PTPRD: variants seen among roughly 807,000 people sequenced by gnomAD.
PTPRD encodes the protein receptor-type tyrosine-protein phosphatase delta.
In PTPRD, 34 loss-of-function variants were observed where a neutral mutation model predicts 214.5. The observed-to-expected ratio is 0.16, with a 90% confidence interval of 0.12 to 0.21. The LOEUF is 0.21. PTPRD is among the 10% of genes least tolerant of loss of function. The probability of loss-of-function intolerance (pLI) is 1.00; values close to 1 mark genes in which losing one functional copy is unlikely to be tolerated. For synonymous variants in PTPRD, 1,128 were observed against 845.7 expected (o/e 1.33, Z -5.79); for missense variants, 2,545 against 2,398.7 (o/e 1.06, Z -1.27).
At chr9:9,856,312 C>A (rs1203479435) in intron 5 of PTPRD, among the ~76,000 whole-genome samples, 1 of 152,070 alleles carries the variant, frequency 6.6e-6, no homozygotes, top group African/African-American at 2.4e-5. Flanking sequence ...TACGAAAAGG[C>A]AACATTTGAG....
intron 3 of PTPRD, among the ~76,000 whole-genome samples, chr9:10,331,014 C>T (rs2096740112): frequency 6.6e-6 from 1 of 151,740 alleles, no homozygotes; most frequent in South Asian, 2.1e-4. Flanking sequence ...CCTTGTTCTC[C>T]TCTACTTCAC....
intron 5 of PTPRD, among the ~76,000 whole-genome samples, chr9:9,786,191 T>C (rs1028425538): frequency 1.3e-5 from 2 of 152,206 alleles, no homozygotes; most frequent in African/African-American, 4.8e-5. Flanking sequence ...TGCCATTATT[T>C]GCCATGCACT....
chr9:9,388,156 G>A (rs2064540838), intron 9 of PTPRD, among the ~76,000 whole-genome samples: 1 of 152,176 alleles, frequency 6.6e-6, no homozygotes, highest in Admixed American at 6.5e-5. Context: ...CCAGCCGCTT[G>A]TGTCTTCTTC....
At chr9:8,563,415 C>G (rs915535948) in intron 14 of PTPRD, among the ~76,000 whole-genome samples, 1 of 150,138 alleles carries the variant, frequency 6.7e-6, no homozygotes, top group East Asian at 2.0e-4. Flanking sequence ...TGGTCTCCTA[C>G]TTACAAAGTT....
intron 12 of PTPRD, among the ~76,000 whole-genome samples, chr9:8,645,382 C>A (rs75179833): frequency 0.11 from 17,219 of 152,180 alleles, 1,020 homozygotes; most frequent in East Asian, 0.19. Flanking sequence ...TTATACATTC[C>A]ATTTGCTCAT....
chr9:9,677,968 A>G (rs1198821622), intron 7 of PTPRD, among the ~76,000 whole-genome samples: 1 of 152,146 alleles, frequency 6.6e-6, no homozygotes. Context: ...TCCCATTCAC[A>G]ATTGCTTCAA....
chr9:10,293,889 A>G (rs1356154356), intron 3 of PTPRD, among the ~76,000 whole-genome samples: 1 of 151,918 alleles, frequency 6.6e-6, no homozygotes, highest in African/African-American at 2.4e-5. Flanking sequence ...AACAGCAAGG[A>G]ATAAATATTG....
At chr9:9,495,288 C>T (rs2096121399) in intron 8 of PTPRD, among the ~76,000 whole-genome samples, 1 of 144,210 alleles carries the variant, frequency 6.9e-6, no homozygotes, top group Non-Finnish European at 1.5e-5. Context: ...GATGGGTACC[C>T]AGTAAAATCC....
chr9:9,554,937 T>C (rs2081155305), intron 8 of PTPRD, among the ~76,000 whole-genome samples: 1 of 152,078 alleles, frequency 6.6e-6, no homozygotes. Context: ...TGCTTATACG[T>C]CTACATATTC....
At chr9:8,779,365 G>A (rs1249078995) in intron 11 of PTPRD, among the ~76,000 whole-genome samples, 1 of 151,162 alleles carries the variant, frequency 6.6e-6, no homozygotes, top group African/African-American at 2.4e-5. Flanking sequence ...ACATCTCTCA[G>A]TTATCTGTCA....
intron 8 of PTPRD, among the ~76,000 whole-genome samples, 189 bp from the exon 9 acceptor site, chr9:9,397,671 G>C (rs1164246982): frequency 6.6e-6 from 1 of 151,956 alleles, no homozygotes; most frequent in Non-Finnish European, 1.5e-5. Context: ...CATTTAAGGA[G>C]TAAAAAAGAT....
At chr9:10,364,823 C>G (rs1019498166) in intron 2 of PTPRD, among the ~76,000 whole-genome samples, 8 of 152,144 alleles carry the variant, frequency 5.3e-5, no homozygotes, top group African/African-American at 1.7e-4. Flanking sequence ...CATACGATAT[C>G]TATATTTTCG....
intron 9 of PTPRD, among the ~76,000 whole-genome samples, chr9:9,206,225 G>C (rs1387413606): frequency 6.6e-6 from 1 of 152,166 alleles, no homozygotes. Context: ...GCTGAGGTCA[G>C]AGAAGTAATG....
chr9:10,415,537 T>C (rs1490546046), intron 2 of PTPRD, among the ~76,000 whole-genome samples: 1 of 151,916 alleles, frequency 6.6e-6, no homozygotes, highest in African/African-American at 2.4e-5. Flanking sequence ...GCAACAGCTT[T>C]TTTGTTCCTT....
intron 12 of PTPRD, among the ~76,000 whole-genome samples, chr9:8,725,888 T>A (rs1240429739): frequency 2.0e-5 from 3 of 152,136 alleles, no homozygotes; most frequent in African/African-American, 7.2e-5. Flanking sequence ...TCTGAGAAGA[T>A]TGCTTGAGAG....
chr9:10,180,853 A>G (rs1247794105), intron 3 of PTPRD, among the ~76,000 whole-genome samples: 1 of 152,072 alleles, frequency 6.6e-6, no homozygotes, highest in Non-Finnish European at 1.5e-5. Flanking sequence ...AAATGATTTT[A>G]TGAAGTTAAA....
Position 10,037,726 on chromosome 9 carries a change from G to A in PTPRD, c.-544-3936C>T, listed in dbSNP as rs186696804. Among the ~76,000 whole-genome samples the A allele has an allele frequency of 5.2e-3, 795 of 152,098 alleles. 8 individuals are homozygous for A. Among genetic ancestry groups the A allele is most frequent in the African/African-American group, 0.018 (732 of 41,494 alleles). On this transcript the variant is annotated intron_variant, in intron 3 of 45. Coordinates refer to ENST00000381196, the MANE Select transcript of PTPRD (RefSeq NM_002839.4). Reference sequence around the variant, plus strand: ...CAATCTTCGTTTTCTTGGAAAAGATGTCATTTATCTTACATGCAAAAAGAC... The same window carrying A: ...CAATCTTCGTTTTCTTGGAAAAGATATCATTTATCTTACATGCAAAAAGAC...
chr9:9,025,650 C>T (rs1314265731), intron 10 of PTPRD, among the ~76,000 whole-genome samples: 1 of 151,348 alleles, frequency 6.6e-6, no homozygotes, highest in African/African-American at 2.4e-5. Context: ...TCATGTAACA[C>T]TCACAATAAT....
intron 12 of PTPRD, among the ~76,000 whole-genome samples, chr9:8,714,682 C>T (rs571676782): frequency 1.3e-5 from 2 of 152,038 alleles, no homozygotes; most frequent in African/African-American, 4.8e-5. Context: ...GCTAACTTCC[C>T]TACCTCCTTC....
Sources: allele counts gnomAD v4.1 joint callset (sites outside exome capture counted in the v4.1 genomes callset), GRCh38; gene constraint gnomAD v4.1.1; transcripts MANE v1.5; gene names NCBI Gene and HGNC (gene_info 2026-07-23, HGNC 2026-07-21).